The following ADAMTSL2 variants were observed in gnomAD, a reference collection of about 807,000 sequenced individuals.
The protein encoded by ADAMTSL2 is ADAMTS like 2.
In ADAMTSL2, 55 loss-of-function variants were observed where a neutral mutation model predicts 117.0. That is an observed-to-expected ratio of 0.47 (90% CI 0.38 to 0.59). ADAMTSL2 has a LOEUF of 0.59. Ranked by LOEUF, ADAMTSL2 falls within the 20% of genes least tolerant of loss-of-function variation. ADAMTSL2 has a pLI of 0.00. For missense variants in ADAMTSL2, 1,182 were observed against 1,354.5 expected (o/e 0.87, Z 2.00); for synonymous variants, 572 against 566.4 (o/e 1.01, Z -0.14).
In ADAMTSL2 at chr9:133,546,193, T is replaced by G. The variant is rs181628719; in HGVS notation, c.764-845T>G. Among the ~76,000 whole-genome samples the G allele has an allele frequency of 3.1e-3, 479 of 152,172 alleles. 2 individuals are homozygous for G. Among genetic ancestry groups the G allele is most frequent in the African/African-American group, 0.011 (467 of 41,524 alleles). ...GGCCCCAGGGAGGATCAGTTCCCCT[T>G]GAAACCCCACCAGCTCTGGGCTGTT... On this transcript the variant is annotated intron_variant, in intron 8 of 18. Coordinates refer to ENST00000651351, the MANE Select transcript of ADAMTSL2 (RefSeq NM_014694.4).
At chr9:133,540,799 C>T (rs766468846) in intron 6 of ADAMTSL2, 56 bp downstream of exon 6, 114 of 1,613,288 alleles carry the variant, frequency 7.1e-5, no homozygotes, top group African/African-American at 1.2e-4. Flanking sequence ...ACTGCCCGCC[C>T]GCCTGTGGGA....
chr9:133,534,487 G>A (rs557272230), upstream of ADAMTSL2: 2 of 404,182 alleles, frequency 4.9e-6, no homozygotes, highest in Non-Finnish European at 8.3e-6. Context: ...TTCTGGACCC[G>A]GGAAGAAGGC....
At chr9:133,546,901 G>A in intron 8 of ADAMTSL2, 137 bp from the exon 9 acceptor site, 1 of 898,182 alleles carries the variant, frequency 1.1e-6, no homozygotes, top group Non-Finnish European at 1.8e-6. Flanking sequence ...GACTCTCCAT[G>A]ATGGGAGTTT....
At position 133,540,989 on chromosome 9, in the gene ADAMTSL2, A is replaced by T; in HGVS notation, c.670A>T (p.Asn224Tyr). 1 of 1,613,294 alleles carries T rather than the reference A, an allele frequency of 6.2e-7. No homozygotes were observed. The highest frequency in any genetic ancestry group is 8.5e-7 in the Non-Finnish European group (1 of 1,179,988). Reference sequence around the variant, plus strand: ...CGTGACGGGCAACTATCGCAAGGGGAATGCCCACCTTGGTAAGCCACAGCG... The same window carrying T: ...CGTGACGGGCAACTATCGCAAGGGGTATGCCCACCTTGGTAAGCCACAGCG... ...THVTGNYRKGNAHLGYSLVTH... is the reference protein window; with the variant it reads ...THVTGNYRKGYAHLGYSLVTH... Residue 224 changes from asparagine (N) to tyrosine (Y), a missense_variant, in exon 7 of 19, where the codon AAT becomes TAT. This residue lies in a region of ADAMTSL2 where 372 missense variants were observed against 463.4 expected (regional missense o/e 0.80). Transcript: ENST00000651351.
intron 11 of ADAMTSL2, 27 bp from the exon 12 acceptor site, chr9:133,561,171 A>C: frequency 1.9e-6 from 3 of 1,579,156 alleles, no homozygotes; most frequent in Non-Finnish European, 2.6e-6. Flanking sequence ...GCGTCTCATC[A>C]CCTTCCCTGC....
At position 133,557,658 on chromosome 9, in the gene ADAMTSL2, C is replaced by A. The variant is rs1830632863; in HGVS notation, c.1649+1728C>A. On this transcript the variant is annotated intron_variant, in intron 11 of 18. Transcript: ENST00000651351. The surrounding 1 kb of genome is among the most constrained non-coding windows in gnomAD (Gnocchi z 5.2). The stretch of plus-strand genomic sequence containing the variant: ...CTTCAGCGTGGGCCCTCTTCACCTC[C>A]CAGGGCAGTCCGGGGCATTCCCTGG... 6.6e-6 allele frequency among the ~76,000 whole-genome samples: 1 copy of A among 152,202 alleles called. No individual in the cohort carries two copies. Among genetic ancestry groups the A allele is most frequent in the African/African-American group, 2.4e-5 (1 of 41,454 alleles).
intron 9 of ADAMTSL2, among the ~76,000 whole-genome samples, chr9:133,551,812 C>CTTTTTTTTTTTT (rs56225051): frequency 1.3e-4 from 14 of 111,086 alleles, no homozygotes; most frequent in East Asian, 3.2e-4. Context: ...AAAGCAGCAG[C>CTTTTTTTTTTTT]TTTTTTTTTT....
In ADAMTSL2 at chr9:133,568,686, C is replaced by G; in HGVS notation, c.2172C>G (p.Thr724=). The G allele has an allele frequency of 6.2e-7, 1 of 1,613,490 alleles. No individual in the cohort carries two copies. The highest frequency in any genetic ancestry group is 1.1e-5 in the South Asian group (1 of 91,072). The stretch of plus-strand genomic sequence containing the variant: ...ATGAGAAGCTGTGTGACCCCAACAC[C>G]AGGCCTGTAGGGGAGAAGAACTGCA... ...SEDEKLCDPN[T]RPVGEKNCTG... The change falls in exon 15 of 19, where the codon ACC becomes ACG. Residue 724 remains threonine, a synonymous_variant. Transcript: ENST00000651351.
At position 133,540,996 on chromosome 9, in the gene ADAMTSL2, A is replaced by G; in HGVS notation, c.677A>G (p.His226Arg). ...VTGNYRKGNA[H>R]LGYSLVTHIP... ...GGCAACTATCGCAAGGGGAATGCCC[A>G]CCTTGGTAAGCCACAGCGCGCCCTG... Residue 226 changes from histidine to arginine, a missense_variant, in exon 7 of 19, where the codon CAC (histidine) becomes CGC (arginine). Physicochemically the swap from His to Arg is conservative, Grantham distance 29. Transcript: ENST00000651351. 1 of 1,613,130 alleles carries G rather than the reference A, an allele frequency of 6.2e-7. No individual in the cohort carries two copies. The highest frequency in any genetic ancestry group is 1.1e-5 in the South Asian group (1 of 91,054).
chr9:133,574,008 G>C, intron 18 of ADAMTSL2, 21 bp downstream of exon 18: 1 of 1,603,166 alleles, frequency 6.2e-7, no homozygotes, highest in Non-Finnish European at 8.5e-7. Flanking sequence ...GGGAGGCCGA[G>C]GGTGGCTCTG....
At chr9:133,561,387 A>C in intron 12 of ADAMTSL2, 92 bp downstream of exon 12, 1 of 1,235,716 alleles carries the variant, frequency 8.1e-7, no homozygotes, top group Non-Finnish European at 1.2e-6. Context: ...ACTAGCTTGC[A>C]GCCCCCAAAC....
At position 133,568,473 on chromosome 9, in the gene ADAMTSL2, C is replaced by T. The variant is rs1831028097; in HGVS notation, c.2075C>T (p.Ser692Leu). Residue 692 changes from serine (S) to leucine (L), a missense_variant, in exon 14 of 19, where the codon TCG becomes TTG. Physicochemically the swap from Ser to Leu is moderately radical, Grantham distance 145. Transcript: ENST00000651351. Reference protein sequence around the residue: ...NPACGPQWEMSEWSECTAKCG... With the variant: ...NPACGPQWEMLEWSECTAKCG... ...GCCTGCGGGCCCCAGTGGGAGATGT[C>T]GGAGTGGTCCGAGGTGAGTGCCTGC... The T allele has an allele frequency of 1.2e-6, 2 of 1,603,818 alleles. No individual in the cohort carries two copies. The highest frequency in any genetic ancestry group is 1.3e-5 in the African/African-American group (1 of 74,968).
At position 133,556,459 on chromosome 9, in the gene ADAMTSL2, G is replaced by C. The variant is rs1378011305; in HGVS notation, c.1649+529G>C. 6.6e-5 allele frequency among the ~76,000 whole-genome samples: 10 copies of C among 152,322 alleles called. No individual in the cohort carries two copies. The East Asian group carries it at 1.9e-3, about 29-fold the overall frequency. ...GTAGGAGGAGGCGGAGCTCCAGGCA[G>C]CTCCCCAAGTGCAGAGTGGCTCAGT... On this transcript the variant is annotated intron_variant, in intron 11 of 18. Coordinates refer to ENST00000651351, the MANE Select transcript of ADAMTSL2 (RefSeq NM_014694.4).
At chr9:133,560,811 C>T (rs752932461) in intron 11 of ADAMTSL2, among the ~76,000 whole-genome samples, 13 of 152,160 alleles carry the variant, frequency 8.5e-5, no homozygotes, top group Non-Finnish European at 1.3e-4. Context: ...GTCCCCTCCC[C>T]GGTGGGAAGA....
At chr9:133,549,604 C>T (rs9696522) in intron 9 of ADAMTSL2, among the ~76,000 whole-genome samples, 125,346 of 147,880 alleles carry the variant, frequency 0.85, 53,857 homozygotes, top group Non-Finnish European at 0.92. Context: ...AGGCTGGTCT[C>T]GAACTCTAGG....
At chr9:133,534,392 G>A (rs575997493), upstream of ADAMTSL2, 6 of 226,862 alleles carry the variant, frequency 2.6e-5, no homozygotes, top group Non-Finnish European at 4.3e-5. Flanking sequence ...CGGACAGGCG[G>A]GGCTGGGGCT....
chr9:133,557,254 A>C lies in ADAMTSL2; in HGVS notation c.1649+1324A>C, dbSNP rs1037741971. 5.7e-4 allele frequency among the ~76,000 whole-genome samples: 87 copies of C among 152,186 alleles called. No homozygotes were observed. In the Middle Eastern group the frequency reaches 0.01, roughly 18 times the overall value. ...CCAGGGGATGCCTGCCGCTTTTCTCAAACTGTTTTCTGAGGCCACCGAGGT... is the reference window on the plus strand; with the variant it reads ...CCAGGGGATGCCTGCCGCTTTTCTCCAACTGTTTTCTGAGGCCACCGAGGT... On this transcript the variant is annotated intron_variant, in intron 11 of 18. Transcript: ENST00000651351. This position sits in a 1 kb window ranked among gnomAD's most constrained non-coding sequence, Gnocchi z 5.2.
chr9:133,547,287 G>T (rs577092714), intron 9 of ADAMTSL2, 74 bp downstream of exon 9: 892 of 1,499,770 alleles, frequency 5.9e-4, no homozygotes, highest in Non-Finnish European at 7.4e-4. Context: ...CACAGGTGAG[G>T]TCTTCCAGCC....
upstream of ADAMTSL2, chr9:133,532,185 T>C (rs1011146204): frequency 6.6e-6 from 1 of 152,110 alleles, no homozygotes; most frequent in Non-Finnish European, 1.5e-5. Context: ...AAAATCCCCT[T>C]CTTTTTTTTC....
Sources: allele counts gnomAD v4.1 joint callset (sites outside exome capture counted in the v4.1 genomes callset), GRCh38; gene constraint gnomAD v4.1.1; regional missense constraint gnomAD v4.1.1; non-coding constraint Gnocchi (gnomAD v3.1); transcripts MANE v1.5; gene names NCBI Gene and HGNC (gene_info 2026-07-23, HGNC 2026-07-21).